GFM1: variants seen among roughly 807,000 people sequenced by gnomAD.
GFM1 encodes the protein G elongation factor mitochondrial 1, also known as elongation factor G, mitochondrial.
In GFM1, 62 loss-of-function variants were observed where a neutral mutation model predicts 96.2. The observed-to-expected ratio is 0.64, with a 90% CI of 0.53 to 0.80. The LOEUF is 0.80. GFM1 is among the 30% of genes least tolerant of loss of function. The pLI is 0.00. For synonymous variants in GFM1, 282 were observed against 312.9 expected (o/e 0.90, Z 1.04); for missense variants, 852 against 916.6 (o/e 0.93, Z 0.91).
intron 13 of GFM1, among the ~76,000 whole-genome samples, chr3:158,676,486 C>G (rs184379493): frequency 6.6e-6 from 1 of 152,060 alleles, no homozygotes; most frequent in Non-Finnish European, 1.5e-5. Context: ...GATATATATA[C>G]TGTTTTATTT....
intron 13 of GFM1, among the ~76,000 whole-genome samples, chr3:158,679,273 C>G (rs912245736): frequency 4.6e-5 from 7 of 152,102 alleles, no homozygotes; most frequent in Non-Finnish European, 2.9e-5. Flanking sequence ...AAACATATAG[C>G]TTTTATAAGC....
intron 8 of GFM1, 77 bp downstream of exon 8, chr3:158,654,708 G>T: frequency 1.0e-6 from 1 of 971,638 alleles, no homozygotes; most frequent in South Asian, 1.3e-5. Flanking sequence ...ATTACAGAAT[G>T]ACTCTGACTT....
intron 13 of GFM1, chr3:158,667,040 G>A: frequency 6.3e-7 from 1 of 1,596,692 alleles, no homozygotes; most frequent in Non-Finnish European, 8.5e-7. Flanking sequence ...AAGTAGAATG[G>A]TGTAGTCTAA....
chr3:158,654,330 C>G (rs1465730090), intron 7 of GFM1, among the ~76,000 whole-genome samples: 2 of 145,840 alleles, frequency 1.4e-5, no homozygotes, highest in Admixed American at 1.4e-4. Flanking sequence ...CCTCTCACTT[C>G]TGTTTCCCAA....
At position 158,646,865 on chromosome 3, in the gene GFM1, C is replaced by T. The variant is rs182569165; in HGVS notation, c.490C>T (p.Arg164Cys). The T allele has an allele frequency of 1.7e-4, 281 of 1,614,078 alleles. No homozygotes were observed. Among genetic ancestry groups the T allele is most frequent in the Non-Finnish European group, 1.6e-4 (191 of 1,179,996 alleles). Residue 164 changes from arginine (R) to cysteine (C), a missense_variant, in exon 4 of 18, where the codon CGC (arginine) becomes TGC (cysteine). Coordinates refer to ENST00000486715, the MANE Select transcript of GFM1 (RefSeq NM_024996.7). ...QTMTVNRQMKRYNVPFLTFIN... is the reference protein window; with the variant it reads ...QTMTVNRQMKCYNVPFLTFIN... ...CATGACTGTCAATCGTCAGATGAAGCGCTACAACGTTCCGTTTCTAACTTT... is the reference window on the plus strand; with the variant it reads ...CATGACTGTCAATCGTCAGATGAAGTGCTACAACGTTCCGTTTCTAACTTT...
intron 15 of GFM1, chr3:158,684,998 C>CTGT (rs1725720689): frequency 5.6e-6 from 1 of 178,864 alleles, no homozygotes; most frequent in Non-Finnish European, 1.0e-5. Context: ...ATCTTAACTA[C>CTGT]AGTCTTATTT....
chr3:158,675,020 GGCTCA>G (rs1444279812), intron 13 of GFM1, among the ~76,000 whole-genome samples: 1 of 152,188 alleles, frequency 6.6e-6, no homozygotes, highest in Non-Finnish European at 1.5e-5. Flanking sequence ...CGGGAGCAGT[GGCTCA>G]CGCCTGTAAT....
rs148279745 is a variant in GFM1, at chr3:158,678,300, A to G, written c.1602-3695A>G. Among the ~76,000 whole-genome samples the G allele has an allele frequency of 2.5e-4, 38 of 152,320 alleles. No individual in the cohort carries two copies. In the East Asian group the frequency reaches 7.3e-3, roughly 29 times the overall value. On this transcript the variant is annotated intron_variant, in intron 13 of 17. Coordinates refer to ENST00000486715, the MANE Select transcript of GFM1 (RefSeq NM_024996.7). The stretch of plus-strand genomic sequence containing the variant: ...TCAAGTCTTATTATTTAAGAAATAC[A>G]TTTTGTAAGGCGATCGCTGCCATAG...
At chr3:158,685,261 A>G (rs1413221126) in intron 15 of GFM1, 1 of 152,368 alleles carries the variant, frequency 6.6e-6, no homozygotes, top group Non-Finnish European at 1.5e-5. Context: ...CGCTTTTAAG[A>G]GAAAAAAAAC....
intron 15 of GFM1, among the ~76,000 whole-genome samples, chr3:158,685,912 C>T (rs939368053): frequency 1.2e-4 from 19 of 152,100 alleles, no homozygotes; most frequent in African/African-American, 4.6e-4. Flanking sequence ...TTTAGAAGTA[C>T]AGTTAAAACA....
At position 158,691,209 on chromosome 3, in the gene GFM1, T is replaced by C; in HGVS notation, c.2124+17T>C. On this transcript the variant is annotated intron_variant, in intron 17 of 17. Coordinates refer to ENST00000486715, the MANE Select transcript of GFM1 (RefSeq NM_024996.7). ...TGCACAGAGGTAGGCAAATTTAAAC[T>C]TACCCTTCAAAAGACCACCCTACAG... The C allele has an allele frequency of 1.2e-6, 2 of 1,610,070 alleles. No individual in the cohort carries two copies. Among genetic ancestry groups the C allele is most frequent in the Middle Eastern group, 1.7e-4 (1 of 6,050 alleles).
chr3:158,681,255 G>A (rs1214594479), intron 13 of GFM1, among the ~76,000 whole-genome samples: 1 of 152,178 alleles, frequency 6.6e-6, no homozygotes, highest in East Asian at 1.9e-4. Context: ...TCTTGAGGAA[G>A]ATTTCAATTT....
In GFM1 at chr3:158,662,625, T is replaced by C. The variant is rs754270245; in HGVS notation, c.1324-3T>C. 4.5e-6 allele frequency: 7 copies of C among 1,568,034 alleles called. No individual in the cohort carries two copies. Among genetic ancestry groups the C allele is most frequent in the Middle Eastern group, 1.9e-4 (1 of 5,290 alleles). ...TTCTGTTTTCTTTTAAAAAATATTT[T>C]AGGAGTCAATTCATGTTCCTGATCC... On this transcript the variant is annotated splice_region_variant and splice_polypyrimidine_tract_variant and intron_variant, in intron 10 of 17. Coordinates refer to ENST00000486715, the MANE Select transcript of GFM1 (RefSeq NM_024996.7).
At chr3:158,647,124 CTCA>C (rs1721887196) in intron 4 of GFM1, among the ~76,000 whole-genome samples, 177 bp downstream of exon 4, 1 of 152,058 alleles carries the variant, frequency 6.6e-6, no homozygotes, top group Non-Finnish European at 1.5e-5. Context: ...GTGGTATGAT[CTCA>C]TCAACTACCT....
At chr3:158,658,157 C>CTT (rs397842738) in intron 8 of GFM1, among the ~76,000 whole-genome samples, 1,733 of 97,078 alleles carry the variant, frequency 0.018, 7 homozygotes, top group East Asian at 0.035. Context: ...TCACAGAACT[C>CTT]TTTTTTTTTT....
rs893145449 is a variant in GFM1, at chr3:158,644,550, C to A, written c.-85C>A. On this transcript the variant is annotated 5_prime_UTR_variant, in exon 1 of 18. Coordinates refer to ENST00000486715, the MANE Select transcript of GFM1 (RefSeq NM_024996.7). ...GTGCTCTTACAACATTGGCTGCCGGCGTGACTTTGACCGCTTCCCGGTGCG... is the reference window on the plus strand; with the variant it reads ...GTGCTCTTACAACATTGGCTGCCGGAGTGACTTTGACCGCTTCCCGGTGCG... 8.4e-6 allele frequency: 9 copies of A among 1,077,194 alleles called. No homozygotes were observed. Among genetic ancestry groups the A allele is most frequent in the African/African-American group, 1.6e-5 (1 of 62,870 alleles). 66.7% of individuals were successfully genotyped at this position (1,077,194 alleles called of 1,614,324 possible).
intron 14 of GFM1, among the ~76,000 whole-genome samples, chr3:158,683,190 A>T (rs1199526831): frequency 2.0e-5 from 3 of 152,208 alleles, no homozygotes; most frequent in Admixed American, 2.0e-4. Flanking sequence ...ATTCTATTTC[A>T]AGACAATATT....
chr3:158,694,016 G>A lies in GFM1; in HGVS notation c.*2549G>A, dbSNP rs1455816920. Among the ~76,000 whole-genome samples, 1 of 145,250 alleles carries A rather than the reference G, an allele frequency of 6.9e-6. No homozygotes were observed. The highest frequency in any genetic ancestry group is 1.5e-5 in the Non-Finnish European group (1 of 65,678). On this transcript the variant is annotated 3_prime_UTR_variant, in exon 18 of 18. Coordinates refer to ENST00000486715, the MANE Select transcript of GFM1 (RefSeq NM_024996.7). Reference sequence around the variant, plus strand: ...AGTTTGGTTTTTTTGTTTAACAACTGTTTTTTTTTTTAAGAGATGGGGTCT... The same window carrying A: ...AGTTTGGTTTTTTTGTTTAACAACTATTTTTTTTTTTAAGAGATGGGGTCT...
intron 5 of GFM1, 156 bp downstream of exon 5, chr3:158,649,313 C>G (rs1036535460): frequency 1.9e-6 from 1 of 532,122 alleles, no homozygotes; most frequent in African/African-American, 1.9e-5. Flanking sequence ...TAATCCTAGT[C>G]GCTCCCCATT....
Sources: allele counts gnomAD v4.1 joint callset (sites outside exome capture counted in the v4.1 genomes callset), GRCh38; gene constraint gnomAD v4.1.1; transcripts MANE v1.5; gene names NCBI Gene and HGNC (gene_info 2026-07-23, HGNC 2026-07-21).